NCOR1: variants seen among roughly 807,000 people sequenced by gnomAD.
NCOR1 encodes the protein protein phosphatase 1, regulatory subunit 109.
Under a neutral mutation model 288.1 loss-of-function variants are expected in NCOR1, and 63 were observed. The ratio of observed to expected loss-of-function variants is 0.22; its 90% CI spans 0.18 to 0.27. NCOR1 has a LOEUF of 0.27. Ranked by LOEUF, NCOR1 falls within the 10% of genes least tolerant of loss-of-function variation. The pLI is 1.00. For missense variants in NCOR1, 2,397 were observed against 3,019.2 expected (o/e 0.79, Z 4.83); for synonymous variants, 1,007 against 1,065.9 (o/e 0.94, Z 1.08).
chr17:16,117,799 G>A, intron 18 of NCOR1, 89 bp downstream of exon 18: 2 of 1,383,276 alleles, frequency 1.4e-6, no homozygotes, highest in East Asian at 2.4e-5. Context: ...TCTAGCCTGG[G>A]TGATAGAGTG....
intron 14 of NCOR1, among the ~76,000 whole-genome samples, chr17:16,130,601 T>G (rs2075441736): frequency 6.6e-6 from 1 of 152,246 alleles, no homozygotes; most frequent in South Asian, 2.1e-4. Context: ...CTATTCACTA[T>G]GAATGAATAT....
In NCOR1 at chr17:16,101,558, C is replaced by T. The variant is rs1568020577; in HGVS notation, c.2382G>A (p.Glu794=). The T allele has an allele frequency of 6.2e-7, 1 of 1,614,238 alleles. No individual in the cohort carries two copies. The highest frequency in any genetic ancestry group is 8.5e-7 in the Non-Finnish European group (1 of 1,180,050). ...VNDSISAETA[E]QMDVDQQEHS... is the part of the protein sequence containing the mutation. Reference sequence around the variant, plus strand: ...GCTCCTGCTGATCTACATCCATCTGCTCTGCTGTCTCAGCACTGATGCTGT... The same window carrying T: ...GCTCCTGCTGATCTACATCCATCTGTTCTGCTGTCTCAGCACTGATGCTGT... Residue 794 remains glutamate (E), a synonymous_variant, in exon 20 of 46, where the codon GAG becomes GAA. Coordinates refer to ENST00000268712, the MANE Select transcript of NCOR1 (RefSeq NM_006311.4).
chr17:16,214,821 G>C (rs2092413556), intron 1 of NCOR1, among the ~76,000 whole-genome samples: 1 of 152,172 alleles, frequency 6.6e-6, no homozygotes, highest in South Asian at 2.1e-4. Flanking sequence ...AAGGTATAGT[G>C]TTCGGATCTT....
chr17:16,117,006 T>C (rs922200933), intron 18 of NCOR1, among the ~76,000 whole-genome samples: 6 of 152,204 alleles, frequency 3.9e-5, no homozygotes, highest in Non-Finnish European at 5.9e-5. Flanking sequence ...TTGATTGATA[T>C]TTTTATGAAA....
intron 3 of NCOR1, among the ~76,000 whole-genome samples, chr17:16,185,642 C>T (rs2086491642): frequency 7.5e-6 from 1 of 133,254 alleles, no homozygotes; most frequent in Admixed American, 8.6e-5. Flanking sequence ...GAGATCATGC[C>T]ACTGCACTCC....
intron 33 of NCOR1, 68 bp from the exon 34 acceptor site, chr17:16,065,087 G>A (rs1268942292): frequency 7.0e-6 from 10 of 1,436,120 alleles, no homozygotes; most frequent in Non-Finnish European, 8.6e-6. Flanking sequence ...CATGACTTTG[G>A]ATTTTGTCTA....
At chr17:16,067,789 T>G (rs1668125510) in intron 32 of NCOR1, 105 bp downstream of exon 32, 1 of 1,112,130 alleles carries the variant, frequency 9.0e-7, no homozygotes, top group African/African-American at 1.6e-5. Context: ...AGCTGTACAT[T>G]AATGATATTT....
chr17:16,113,144 T>C (rs1009784206), intron 18 of NCOR1, among the ~76,000 whole-genome samples: 1 of 151,898 alleles, frequency 6.6e-6, no homozygotes. Context: ...CTCGATCTCC[T>C]GACCTTGTGT....
At chr17:16,187,297 A>G (rs1333562018) in intron 2 of NCOR1, among the ~76,000 whole-genome samples, 1 of 151,292 alleles carries the variant, frequency 6.6e-6, no homozygotes, top group African/African-American at 2.4e-5. Flanking sequence ...TAAGCTAGGA[A>G]CTCCAGTCCT....
chr17:16,086,822 G>C (rs1174430971), intron 22 of NCOR1, among the ~76,000 whole-genome samples: 2 of 152,174 alleles, frequency 1.3e-5, no homozygotes, highest in African/African-American at 4.8e-5. Context: ...CTGACAACCA[G>C]TTATACATCC....
chr17:16,088,482 C>G (rs1405539595), intron 22 of NCOR1, among the ~76,000 whole-genome samples: 2 of 152,124 alleles, frequency 1.3e-5, no homozygotes, highest in African/African-American at 4.8e-5. Context: ...CCTTTTAGCT[C>G]TAATAACTTT....
intron 21 of NCOR1, among the ~76,000 whole-genome samples, chr17:16,095,593 T>C (rs1486790389): frequency 7.5e-5 from 4 of 53,330 alleles, no homozygotes; most frequent in Admixed American, 2.4e-4. Flanking sequence ...GAGGGTCGCC[T>C]CTGCCCGGCC....
chr17:16,049,159 A>C (rs1203934315), intron 40 of NCOR1, 171 bp from the exon 41 acceptor site: 2 of 506,028 alleles, frequency 4.0e-6, no homozygotes, highest in African/African-American at 4.0e-5. Context: ...TAAAACAAAC[A>C]AACAACAACA....
intron 5 of NCOR1, among the ~76,000 whole-genome samples, chr17:16,162,008 G>A (rs1463673536): frequency 6.6e-6 from 1 of 151,960 alleles, no homozygotes; most frequent in African/African-American, 2.4e-5. Context: ...AAAGAAAAGA[G>A]ACTCAGCGAA....
At chr17:16,082,062 T>C (rs1043332445) in intron 23 of NCOR1, among the ~76,000 whole-genome samples, 4 of 152,188 alleles carry the variant, frequency 2.6e-5, no homozygotes, top group South Asian at 4.1e-4. Context: ...GAAATGTCTG[T>C]CTAATCATTA....
At chr17:16,186,406 C>G (rs769399768) in intron 3 of NCOR1, 148 bp downstream of exon 3, 67 of 798,096 alleles carry the variant, frequency 8.4e-5, no homozygotes, top group Non-Finnish European at 9.1e-5. Context: ...TTAACTATTG[C>G]AACCAACCAA....
intron 20 of NCOR1, among the ~76,000 whole-genome samples, chr17:16,099,668 A>G (rs2067253083): frequency 6.6e-6 from 1 of 152,218 alleles, no homozygotes; most frequent in East Asian, 1.9e-4. Context: ...TATTTAGATG[A>G]GATGTTTCAA....
intron 11 of NCOR1, among the ~76,000 whole-genome samples, chr17:16,140,502 A>G (rs1263955645): frequency 6.6e-6 from 1 of 152,128 alleles, no homozygotes; most frequent in East Asian, 1.9e-4. Context: ...CATCTCTACA[A>G]AATAATTTTT....
chr17:16,149,607 G>A, intron 8 of NCOR1, 90 bp from the exon 9 acceptor site: 1 of 511,136 alleles, frequency 2.0e-6, no homozygotes. Context: ...TGGAAAATAG[G>A]CAAAGATCAC....
Sources: allele counts gnomAD v4.1 joint callset (sites outside exome capture counted in the v4.1 genomes callset), GRCh38; gene constraint gnomAD v4.1.1; transcripts MANE v1.5; gene names NCBI Gene and HGNC (gene_info 2026-07-23, HGNC 2026-07-21).